The following COL6A3 variants were observed in gnomAD, a reference collection of about 807,000 sequenced individuals.
COL6A3 encodes collagen type VI alpha 3 chain, also known as collagen alpha-3(VI) chain.
A neutral mutation model predicts 274.1 loss-of-function variants in COL6A3; 137 were observed. That is an observed-to-expected ratio of 0.50 (90% CI 0.44 to 0.58). COL6A3 has a LOEUF of 0.58. COL6A3 is among the 20% of genes least tolerant of loss of function. The probability of loss-of-function intolerance (pLI) is 0.00; values close to 1 mark genes in which losing one functional copy is unlikely to be tolerated. For synonymous variants in COL6A3, 1,650 were observed against 1,650.6 expected, an observed-to-expected ratio of 1.00 and a Z score of 0.01; for missense variants, 3,950 against 4,124.9, an observed-to-expected ratio of 0.96 and a Z score of 1.16.
rs2106364042 is a variant in COL6A3 at position 237,376,832 on chromosome 2, C to T, written c.3010G>A (p.Asp1004Asn). The stretch of plus-strand genomic sequence containing the variant: ...AGATTCACTATCTGTGGATGAAGAT[C>T]TCCAATCTTGGGAAGCGACTCTGCA... ...LAAESLPKIGDLHPQIVNLLK... is the reference protein window; with the variant it reads ...LAAESLPKIGNLHPQIVNLLK... Residue 1004 changes from aspartate (D) to asparagine (N), a missense_variant, in exon 7 of 44, where the codon GAT (aspartate) becomes AAT (asparagine). Around this residue, in one of 5 missense-constraint regions of COL6A3, gnomAD observed 1,934 missense variants for 1,984.3 expected, o/e 0.97. Transcript: ENST00000295550. The T allele has an allele frequency of 2.5e-6, 4 of 1,614,228 alleles. No homozygotes were observed. The highest frequency in any genetic ancestry group is 2.5e-6 in the Non-Finnish European group (3 of 1,180,034).
At position 237,344,849 on chromosome 2, in the gene COL6A3, G is replaced by T. The variant is rs199723531; in HGVS notation, c.7175-6C>A. On this transcript the variant is annotated splice_region_variant and splice_polypyrimidine_tract_variant and intron_variant, in intron 35 of 43. Coordinates refer to ENST00000295550, the MANE Select transcript of COL6A3 (RefSeq NM_004369.4). This position sits in a 1 kb window ranked among gnomAD's most constrained non-coding sequence, Gnocchi z 4.8. ...GACGGGGCACTCCAGGGGCCCTGTGGAAAGTAGAGGGTGGAGGGTTAAAGA... is the reference window on the plus strand; with the variant it reads ...GACGGGGCACTCCAGGGGCCCTGTGTAAAGTAGAGGGTGGAGGGTTAAAGA... 8 of 1,613,428 alleles carry T rather than the reference G, an allele frequency of 5.0e-6. No homozygotes were observed. The African/African-American group carries it at 1.1e-4, about 22-fold the overall frequency.
In COL6A3 at chr2:237,377,110, C is replaced by T. The variant is rs149310819; in HGVS notation, c.2732G>A (p.Gly911Asp). ...CGCGTAGCCCAGGTTGAGGGCTTTG[C>T]CCGTCTTGATCTTCATTCTCTTCAC... ...NLVKRMKIKT[G>D]KALNLGYALD... The change falls in exon 7 of 44, where the codon GGC (glycine) becomes GAC (aspartate). Residue 911 changes from glycine to aspartate, a missense_variant. Physicochemically the swap from Gly to Asp is moderately conservative, Grantham distance 94. Transcript: ENST00000295550. 15 of 1,614,072 alleles carry T rather than the reference C, an allele frequency of 9.3e-6. No homozygotes were observed. The highest frequency in any genetic ancestry group is 1.1e-5 in the South Asian group (1 of 91,078).
At position 237,365,957 on chromosome 2, in the gene COL6A3, G is replaced by T; in HGVS notation, c.5579C>A (p.Ser1860Tyr). 4.3e-6 allele frequency: 7 copies of T among 1,614,016 alleles called. No homozygotes were observed. The highest frequency in any genetic ancestry group is 5.9e-6 in the Non-Finnish European group (7 of 1,180,022). ...TCTGTTCAAGATGGCGTCCACCTTGGACTCGAAGCCCTTCTGGGCCACAAA... is the reference window on the plus strand; with the variant it reads ...TCTGTTCAAGATGGCGTCCACCTTGTACTCGAAGCCCTTCTGGGCCACAAA... The part of the protein sequence containing the change: ...NVFVAQKGFE[S>Y]KVDAILNRIS... Residue 1860 changes from serine to tyrosine, a missense_variant, in exon 12 of 44, where the codon TCC (serine) becomes TAC (tyrosine). Transcript: ENST00000295550.
At chr2:237,346,150 C>T (rs2077093223) in intron 32 of COL6A3, among the ~76,000 whole-genome samples, 1 of 152,152 alleles carries the variant, frequency 6.6e-6, no homozygotes, top group Admixed American at 6.5e-5. Context: ...CAAGGCCTGG[C>T]ATAATTACAC....
chr2:237,353,255 C>G, intron 25 of COL6A3, 86 bp downstream of exon 25: 1 of 1,354,628 alleles, frequency 7.4e-7, no homozygotes, highest in Non-Finnish European at 1.0e-6. Context: ...AAATGGTTAA[C>G]TTTCCGGATA....
In COL6A3 at chr2:237,367,162, G is replaced by A; in HGVS notation, c.5025C>T (p.Ser1675=). The change falls in exon 11 of 44, where the codon TCC becomes TCT. Residue 1675 remains serine, a synonymous_variant. Coordinates refer to ENST00000295550, the MANE Select transcript of COL6A3 (RefSeq NM_004369.4). ...IVDTVYEDGD[S]IQVGLVQYNS... is the part of the protein sequence containing the mutation. ...TGTACTGGACAAGCCCCACTTGGATGGAGTCGCCATCTTCATAAACTGTGT... is the reference window on the plus strand; with the variant it reads ...TGTACTGGACAAGCCCCACTTGGATAGAGTCGCCATCTTCATAAACTGTGT... 1 of 1,614,206 alleles carries A rather than the reference G, an allele frequency of 6.2e-7. No individual in the cohort carries two copies. The highest frequency in any genetic ancestry group is 8.5e-7 in the Non-Finnish European group (1 of 1,180,042).
rs376424422 is a variant in COL6A3, at chr2:237,364,021, T to C, written c.5917+329A>G. 5.9e-5 allele frequency among the ~76,000 whole-genome samples: 9 copies of C among 152,264 alleles called. No homozygotes were observed. The highest frequency in any genetic ancestry group is 1.9e-4 in the African/African-American group (8 of 41,476). On this transcript the variant is annotated intron_variant, in intron 13 of 43. Coordinates refer to ENST00000295550, the MANE Select transcript of COL6A3 (RefSeq NM_004369.4). The surrounding 1 kb of genome is among the most constrained non-coding windows in gnomAD (Gnocchi z 4.6). Reference sequence around the variant, plus strand: ...CCAAAAATAGAGCAATGTATTTTTATTAGTAACTAATTCCTAGTTTATGTG... The same window carrying C: ...CCAAAAATAGAGCAATGTATTTTTACTAGTAACTAATTCCTAGTTTATGTG...
At chr2:237,352,456 C>T (rs1313545465) in intron 26 of COL6A3, 66 bp downstream of exon 26, 1 of 1,486,142 alleles carries the variant, frequency 6.7e-7, no homozygotes, top group African/African-American at 1.4e-5. Context: ...GAGAAACTCT[C>T]TCAGCCTGCT....
At position 237,364,612 on chromosome 2, in the gene COL6A3, G is replaced by A. The variant is rs1174006929; in HGVS notation, c.5839-184C>T. 6.6e-6 allele frequency among the ~76,000 whole-genome samples: 1 copy of A among 152,244 alleles called. No homozygotes were observed. The highest frequency in any genetic ancestry group is 2.4e-5 in the African/African-American group (1 of 41,456). ...TTGATATTGCACTTAAAATGGAGGA[G>A]TATATTTGAGTGCTTAATTTATTTT... On this transcript the variant is annotated intron_variant, in intron 12 of 43. Transcript: ENST00000295550. The surrounding 1 kb of genome is among the most constrained non-coding windows in gnomAD (Gnocchi z 4.6).
At chr2:237,379,362 T>C (rs1028809397) in intron 5 of COL6A3, 127 bp from the exon 6 acceptor site, 1 of 1,184,120 alleles carries the variant, frequency 8.4e-7, no homozygotes, top group Non-Finnish European at 1.2e-6. Context: ...GCAAAGCATG[T>C]CCATCTTGTA....
At chr2:237,384,826 A>C (rs1050637760) in intron 4 of COL6A3, among the ~76,000 whole-genome samples, 12 of 151,616 alleles carry the variant, frequency 7.9e-5, no homozygotes, top group Non-Finnish European at 1.0e-4. Flanking sequence ...CACAGGCTCC[A>C]CTCCCTGTGG....
intron 9 of COL6A3, among the ~76,000 whole-genome samples, chr2:237,370,552 A>G (rs979848091): frequency 2.0e-5 from 3 of 152,190 alleles, no homozygotes; most frequent in African/African-American, 7.2e-5. Flanking sequence ...CATTTTTAAC[A>G]ATAAAATTAA....
rs2077622131 is a variant in COL6A3, at chr2:237,369,014, A to G, written c.4449T>C (p.Asp1483=). ...TTTTCAGATAGAATTCTGGGAAGAC[A>G]TCATTGCTGAACTGCACGACCCCAA... ...VRVGVVQFSN[D]VFPEFYLKTY... is the part of the protein sequence containing the mutation. Residue 1483 remains aspartate (D), a synonymous_variant, in exon 10 of 44, where the codon GAT becomes GAC. Transcript: ENST00000295550. 2 of 1,614,116 alleles carry G rather than the reference A, an allele frequency of 1.2e-6. No homozygotes were observed. The highest frequency in any genetic ancestry group is 1.3e-5 in the African/African-American group (1 of 74,940).
chr2:237,365,646 T>A (rs2077532668), intron 12 of COL6A3, 52 bp downstream of exon 12: 2 of 1,542,256 alleles, frequency 1.3e-6, no homozygotes, highest in Admixed American at 1.7e-5. Context: ...TCCTTTCCAG[T>A]AAAAATTTGG....
Position 237,405,134 on chromosome 2 carries a change from C to T in COL6A3, c.-30-8287G>A, listed in dbSNP as rs950990078. Among the ~76,000 whole-genome samples the T allele has an allele frequency of 5.3e-5, 8 of 152,226 alleles. No individual in the cohort carries two copies. The South Asian group carries it at 8.3e-4, about 16-fold the overall frequency. On this transcript the variant is annotated intron_variant, in intron 1 of 43. Transcript: ENST00000295550. The stretch of plus-strand genomic sequence containing the variant: ...GGGAGATAATGCCTGTAGGACAATG[C>T]GTTATCCAGGCTCCACTGATGATTC...
chr2:237,387,547 C>A (rs778484878), intron 4 of COL6A3, 35 bp downstream of exon 4: 9 of 1,613,578 alleles, frequency 5.6e-6, no homozygotes, highest in Non-Finnish European at 7.6e-6. Flanking sequence ...CACAACACCC[C>A]ACTCCCACAC....
Position 237,361,817 on chromosome 2 carries a change from C to T in COL6A3, c.6078G>A (p.Glu2026=). 1.2e-6 allele frequency: 2 copies of T among 1,614,184 alleles called. No homozygotes were observed. Among genetic ancestry groups the T allele is most frequent in the Non-Finnish European group, 1.7e-6 (2 of 1,180,016 alleles). Residue 2026 remains glutamate (E), a synonymous_variant, in exon 15 of 44, where the codon GAG becomes GAA. Transcript: ENST00000295550. This position sits in a 1 kb window ranked among gnomAD's most constrained non-coding sequence, Gnocchi z 5.1. ...TGCAGGGAACCCCACAGCAAGCTTT[C>T]TCGGCAATGTTGTCCTACCGAAAGG... ...ELAEQLDNIA[E]KACCGVPCKC...
chr2:237,407,262 C>T lies in COL6A3; in HGVS notation c.-31+6691G>A, dbSNP rs1160745913. Among the ~76,000 whole-genome samples the T allele has an allele frequency of 6.6e-6, 1 of 152,190 alleles. No homozygotes were observed. The highest frequency in any genetic ancestry group is 1.9e-4 in the East Asian group (1 of 5,194). ...CTCTAGAACAATAATCTGTTTGACT[C>T]AAACTGAATGTGTATCCTGTGATAG... On this transcript the variant is annotated intron_variant, in intron 1 of 43. Coordinates refer to ENST00000295550, the MANE Select transcript of COL6A3 (RefSeq NM_004369.4). The surrounding 1 kb of genome is among the most constrained non-coding windows in gnomAD (Gnocchi z 4.3).
In COL6A3 at chr2:237,368,161, C is replaced by T. The variant is rs1255586219; in HGVS notation, c.4900+402G>A. Among the ~76,000 whole-genome samples the T allele has an allele frequency of 1.3e-5, 2 of 152,230 alleles. No homozygotes were observed. The highest frequency in any genetic ancestry group is 2.9e-5 in the Non-Finnish European group (2 of 68,044). ...TGCAAGTCTTCCAGGAAGGTGCTCC[C>T]TGATGGTCCCACCAGGCCAAGGAAT... On this transcript the variant is annotated intron_variant, in intron 10 of 43. Coordinates refer to ENST00000295550, the MANE Select transcript of COL6A3 (RefSeq NM_004369.4). This position sits in a 1 kb window ranked among gnomAD's most constrained non-coding sequence, Gnocchi z 4.4.
Sources: gnomAD v4.1 joint callset for allele counts (sites outside exome capture counted in the v4.1 genomes callset) on GRCh38, gnomAD v4.1.1 for gene constraint, gnomAD v4.1.1 regional missense constraint, Gnocchi (gnomAD v3.1) non-coding constraint, MANE v1.5 for transcripts, NCBI Gene and HGNC (gene_info 2026-07-23, HGNC 2026-07-21) for gene names.